The following SCRIB variants were observed in gnomAD, a reference collection of about 807,000 sequenced individuals.
SCRIB encodes scribble planar cell polarity protein, also known as protein scribble homolog.
SCRIB carries 72 observed loss-of-function variants against 170.0 expected under a neutral mutation model. That is an observed-to-expected ratio of 0.42 (90% CI 0.35 to 0.52). The LOEUF (loss-of-function observed/expected upper bound fraction) is 0.52, where lower values mean the gene tolerates loss of function less well. SCRIB is among the 20% of genes least tolerant of loss of function. The pLI is 0.02. For synonymous variants in SCRIB, 1,298 were observed against 1,044.3 expected (o/e 1.24, Z -4.68); for missense variants, 2,475 against 2,338.5 (o/e 1.06, Z -1.20).
At position 143,792,136 on chromosome 8, in the gene SCRIB, G is replaced by T. The variant is rs1554632908; in HGVS notation, c.4515-3C>A. On this transcript the variant is annotated splice_region_variant and splice_polypyrimidine_tract_variant and intron_variant, in intron 32 of 36. Coordinates refer to ENST00000356994, the MANE Select transcript of SCRIB (RefSeq NM_182706.5). The stretch of plus-strand genomic sequence containing the variant: ...CGTCCTGTTCCAATGACTTCATCCT[G>T]CAGAGAACAGCGGGCAGGGGTGACT... 1.3e-6 allele frequency: 2 copies of T among 1,566,298 alleles called. No individual in the cohort carries two copies. The highest frequency in any genetic ancestry group is 1.7e-6 in the Non-Finnish European group (2 of 1,161,854).
Position 143,812,324 on chromosome 8 carries a change from T to A in SCRIB, c.848A>T (p.Glu283Val). ...VDQNRLCEVTEAIGDCENLSE... is the reference protein window; with the variant it reads ...VDQNRLCEVTVAIGDCENLSE... ...GAGGTTCTCACAGTCCCCGATGGCC[T>A]CGGTCACCTCGCACAGCCGATTCTG... Residue 283 changes from glutamate to valine, a missense_variant, in exon 9 of 37, where the codon GAG becomes GTG. Transcript: ENST00000356994. 1 of 1,613,790 alleles carries A rather than the reference T, an allele frequency of 6.2e-7. No homozygotes were observed. Among genetic ancestry groups the A allele is most frequent in the Non-Finnish European group, 8.5e-7 (1 of 1,179,786 alleles).
chr8:143,812,412 GCTGAGC>G (rs1563807173), intron 8 of SCRIB, 28 bp from the exon 9 acceptor site: 1 of 1,523,656 alleles, frequency 6.6e-7, no homozygotes, highest in South Asian at 1.1e-5. Flanking sequence ...GGGGGACAAG[GCTGAGC>G]ATGGTCCCCA....
intron 27 of SCRIB, chr8:143,794,201 A>C: frequency 1.9e-6 from 1 of 524,240 alleles, no homozygotes; most frequent in Non-Finnish European, 3.4e-6. Context: ...TGCTGGCTGG[A>C]GCTTTGCAGG....
Position 143,810,740 on chromosome 8 carries a change from G to A in SCRIB, c.1350C>T (p.Phe450=), listed in dbSNP as rs748875240. The change falls in exon 12 of 37, where the codon TTC becomes TTT. Residue 450 remains phenylalanine, a synonymous_variant. Transcript: ENST00000356994. The part of the protein sequence containing the change: ...APPSRVSVIQ[F]LEAPIGDEDA... ...CCTCATCACCTATGGGGGCCTCCAGGAACTGGATGACGCTGACGCGGCTCG... is the reference window on the plus strand; with the variant it reads ...CCTCATCACCTATGGGGGCCTCCAGAAACTGGATGACGCTGACGCGGCTCG... 1.1e-5 allele frequency: 17 copies of A among 1,609,012 alleles called. No individual in the cohort carries two copies. The highest frequency in any genetic ancestry group is 1.6e-4 in the Middle Eastern group (1 of 6,074).
rs781835473 is a variant in SCRIB, at chr8:143,803,682, G to A, written c.3379C>T (p.Arg1127Cys). ...GGARGHAGNP[R>C]DPTDEGIFIS... ...AAGATGCCCTCGTCTGTGGGGTCGCGGGGGTTGCCAGCGTGGCCCCTGGCA... is the reference window on the plus strand; with the variant it reads ...AAGATGCCCTCGTCTGTGGGGTCGCAGGGGTTGCCAGCGTGGCCCCTGGCA... Residue 1127 changes from arginine to cysteine, a missense_variant, in exon 23 of 37, where the codon CGC (arginine) becomes TGC (cysteine). Around this residue, in one of 3 missense-constraint regions of SCRIB, gnomAD observed 1,966 missense variants for 1,742.9 expected, o/e 1.13. Coordinates refer to ENST00000356994, the MANE Select transcript of SCRIB (RefSeq NM_182706.5). The A allele has an allele frequency of 1.6e-5, 25 of 1,577,252 alleles. No homozygotes were observed. Among genetic ancestry groups the A allele is most frequent in the East Asian group, 1.4e-4 (6 of 43,810 alleles).
rs753040407 is a variant in SCRIB at position 143,808,797 on chromosome 8, C to G, written c.1927G>C (p.Gly643Arg). 1.9e-6 allele frequency: 3 copies of G among 1,611,200 alleles called. No individual in the cohort carries two copies. Among genetic ancestry groups the G allele is most frequent in the Admixed American group, 3.3e-5 (2 of 59,918 alleles). ...QPDGEGPVAPGGWHNGPHAPW... is the reference protein window; with the variant it reads ...QPDGEGPVAPRGWHNGPHAPW... ...GCGTGGGGGCCATTGTGCCAGCCCC[C>G]GGGAGCCACAGGGCCCTCCCCATCA... is the stretch of plus-strand genomic sequence containing the variant. The change falls in exon 15 of 37, where the codon GGG (glycine) becomes CGG (arginine). Residue 643 changes from glycine to arginine, a missense_variant. Transcript: ENST00000356994.
intron 24 of SCRIB, among the ~76,000 whole-genome samples, chr8:143,798,395 C>CGG (rs1815032964): frequency 6.6e-6 from 1 of 152,352 alleles, no homozygotes; most frequent in Non-Finnish European, 1.5e-5. Context: ...CTGTACGTCC[C>CGG]AGGCAGGGTG....
chr8:143,807,706 C>G, intron 15 of SCRIB, 92 bp from the exon 16 acceptor site: 1 of 1,024,158 alleles, frequency 9.8e-7, no homozygotes, highest in South Asian at 1.3e-5. Flanking sequence ...GCAGAAAGGA[C>G]AGAGGAGACC....
intron 15 of SCRIB, among the ~76,000 whole-genome samples, chr8:143,807,885 T>G (rs1360882502): frequency 6.6e-6 from 1 of 151,968 alleles, no homozygotes; most frequent in Admixed American, 6.5e-5. Context: ...TGGCCCACAC[T>G]CAGGGTCAGA....
intron 27 of SCRIB, among the ~76,000 whole-genome samples, 170 bp downstream of exon 27, chr8:143,794,868 G>A (rs561710682): frequency 6.6e-6 from 1 of 152,084 alleles, no homozygotes; most frequent in East Asian, 1.9e-4. Context: ...TGAGAATGAG[G>A]GTGATAAGCA....
intron 8 of SCRIB, 152 bp downstream of exon 8, chr8:143,812,665 G>A (rs1199853294): frequency 5.5e-6 from 6 of 1,086,050 alleles, no homozygotes; most frequent in African/African-American, 4.7e-5. Flanking sequence ...CTGCCCCAGG[G>A]TCCCACCTCC....
chr8:143,793,326 C>T, intron 28 of SCRIB: 2 of 421,320 alleles, frequency 4.7e-6, no homozygotes, highest in Non-Finnish European at 8.3e-6. Flanking sequence ...ATGGCTGGAT[C>T]ACCCCTGGTT....
Position 143,810,902 on chromosome 8 carries a change from C to A in SCRIB, c.1273+4G>T, listed in dbSNP as rs1472983017. The A allele has an allele frequency of 1.3e-5, 21 of 1,611,128 alleles. No individual in the cohort carries two copies. Among genetic ancestry groups the A allele is most frequent in the Non-Finnish European group, 1.8e-5 (21 of 1,179,890 alleles). On this transcript the variant is annotated splice_donor_region_variant and intron_variant, in intron 11 of 36. Coordinates refer to ENST00000356994, the MANE Select transcript of SCRIB (RefSeq NM_182706.5). Reference sequence around the variant, plus strand: ...GCGCTAAGCACCGGTTGCCAACAACCTACCGAGGCTGGGTGGGGGCTGCTG... The same window carrying A: ...GCGCTAAGCACCGGTTGCCAACAACATACCGAGGCTGGGTGGGGGCTGCTG...
chr8:143,805,339 G>C lies in SCRIB; in HGVS notation c.2443C>G (p.Arg815Gly). ...ACCGCGTTCTCAGGCTCCACCATGC[G>C]CTCCCGCCACACTCGCATCTGCACG... is the stretch of plus-strand genomic sequence containing the variant. ...TAVQMRVWRERMVEPENAVTI... is the reference protein window; with the variant it reads ...TAVQMRVWREGMVEPENAVTI... The change falls in exon 19 of 37, where the codon CGC becomes GGC. Residue 815 changes from arginine to glycine, a missense_variant. Coordinates refer to ENST00000356994, the MANE Select transcript of SCRIB (RefSeq NM_182706.5). 1 of 1,542,198 alleles carries C rather than the reference G, an allele frequency of 6.5e-7. No individual in the cohort carries two copies. Among genetic ancestry groups the C allele is most frequent in the Non-Finnish European group, 8.7e-7 (1 of 1,149,340 alleles).
intron 14 of SCRIB, among the ~76,000 whole-genome samples, chr8:143,809,315 T>C (rs1381188812): frequency 1.3e-5 from 2 of 152,018 alleles, no homozygotes; most frequent in Admixed American, 6.5e-5. Flanking sequence ...GGGTGGGCTC[T>C]GTGAGCCCAG....
At position 143,808,788 on chromosome 8, in the gene SCRIB, G is replaced by A. The variant is rs765922843; in HGVS notation, c.1936C>T (p.His646Tyr). The change falls in exon 15 of 37, where the codon CAC becomes TAC. Residue 646 changes from histidine to tyrosine, a missense_variant. His to Tyr is a moderately conservative substitution (Grantham distance 83, BLOSUM62 2). This residue lies in a region of SCRIB where 1,966 missense variants were observed against 1,742.9 expected (regional missense o/e 1.13). Coordinates refer to ENST00000356994, the MANE Select transcript of SCRIB (RefSeq NM_182706.5). ...GEGPVAPGGWHNGPHAPWAPR... is the reference protein window; with the variant it reads ...GEGPVAPGGWYNGPHAPWAPR... ...GCCCAGGGTGCGTGGGGGCCATTGT[G>A]CCAGCCCCCGGGAGCCACAGGGCCC... is the stretch of plus-strand genomic sequence containing the variant. The A allele has an allele frequency of 9.9e-6, 16 of 1,611,204 alleles. No homozygotes were observed. In the East Asian group the frequency reaches 3.6e-4, roughly 36 times the overall value.
In SCRIB at chr8:143,812,320, G is replaced by A. The variant is rs148985972; in HGVS notation, c.852C>T (p.Ala284=). The A allele has an allele frequency of 8.2e-5, 133 of 1,613,776 alleles. No homozygotes were observed. Among genetic ancestry groups the A allele is most frequent in the South Asian group, 1.4e-4 (13 of 91,078 alleles). Residue 284 remains alanine (A), a synonymous_variant, in exon 9 of 37, where the codon GCC becomes GCT. Coordinates refer to ENST00000356994, the MANE Select transcript of SCRIB (RefSeq NM_182706.5). The stretch of plus-strand genomic sequence containing the variant: ...CAGAGAGGTTCTCACAGTCCCCGAT[G>A]GCCTCGGTCACCTCGCACAGCCGAT... ...DQNRLCEVTE[A]IGDCENLSEL...
chr8:143,809,399 A>G (rs1815598467), intron 14 of SCRIB, 152 bp downstream of exon 14: 1 of 890,804 alleles, frequency 1.1e-6, no homozygotes, highest in African/African-American at 1.7e-5. Context: ...GCCCTGCACC[A>G]CCCGTAGCCA....
At chr8:143,813,169 A>C (rs887476677) in intron 6 of SCRIB, 65 bp from the exon 7 acceptor site, 1 of 1,586,446 alleles carries the variant, frequency 6.3e-7, no homozygotes, top group Non-Finnish European at 8.6e-7. Context: ...CGTGCTCAAG[A>C]GACTATACGC....
Sources: allele counts gnomAD v4.1 joint callset (sites outside exome capture counted in the v4.1 genomes callset), GRCh38; gene constraint gnomAD v4.1.1; regional missense constraint gnomAD v4.1.1; transcripts MANE v1.5; gene names NCBI Gene and HGNC (gene_info 2026-07-23, HGNC 2026-07-21).